The following DSCAM variants were observed in gnomAD, a reference collection of about 807,000 sequenced individuals.
DSCAM encodes DS cell adhesion molecule, also known as cell adhesion molecule DSCAM.
DSCAM carries 47 observed loss-of-function variants against 217.7 expected under a neutral mutation model. That is an observed-to-expected ratio of 0.22 (90% CI 0.17 to 0.28). DSCAM has a LOEUF of 0.28. DSCAM is among the 10% of genes least tolerant of loss of function. DSCAM has a pLI of 1.00. For missense variants in DSCAM, 2,080 were observed against 2,618.3 expected (o/e 0.79, Z 4.49); for synonymous variants, 1,056 against 1,015.3 (o/e 1.04, Z -0.76).
intron 8 of DSCAM, among the ~76,000 whole-genome samples, chr21:40,330,591 G>C (rs779901437): frequency 6.6e-6 from 1 of 151,820 alleles, no homozygotes; most frequent in East Asian, 1.9e-4. Flanking sequence ...CCACCTCCAG[G>C]ACAAACCTGT....
chr21:40,178,882 G>A (rs757479053), intron 15 of DSCAM, 45 bp downstream of exon 15: 1 of 1,610,472 alleles, frequency 6.2e-7, no homozygotes, highest in East Asian at 2.2e-5. Context: ...TCAAGAGTTA[G>A]CTCCCGGGCT....
intron 3 of DSCAM, among the ~76,000 whole-genome samples, chr21:40,606,975 T>G (rs565014551): frequency 2.6e-5 from 4 of 152,328 alleles, no homozygotes; most frequent in Non-Finnish European, 5.9e-5. Context: ...CATGACTTGG[T>G]CCTCCTTGCC....
chr21:40,808,920 T>C (rs1021018610), intron 1 of DSCAM, among the ~76,000 whole-genome samples: 2 of 152,198 alleles, frequency 1.3e-5, no homozygotes, highest in Non-Finnish European at 2.9e-5. Flanking sequence ...TCCTGGACCA[T>C]CAGCTCCAGG....
At chr21:40,393,647 C>A (rs1385901770) in intron 3 of DSCAM, among the ~76,000 whole-genome samples, 1 of 152,060 alleles carries the variant, frequency 6.6e-6, no homozygotes, top group Non-Finnish European at 1.5e-5. Context: ...CAGCTGAACA[C>A]CAGAGCTGAC....
At chr21:40,273,545 C>G (rs995563545) in intron 11 of DSCAM, among the ~76,000 whole-genome samples, 1 of 152,180 alleles carries the variant, frequency 6.6e-6, no homozygotes, top group Non-Finnish European at 1.5e-5. Flanking sequence ...TCTCCTGTCC[C>G]TGGAATACCC....
chr21:40,806,098 G>A, intron 1 of DSCAM, among the ~76,000 whole-genome samples: 1 of 152,134 alleles, frequency 6.6e-6, no homozygotes, highest in East Asian at 1.9e-4. Flanking sequence ...CAGCCCTGCT[G>A]GGCTCTTCTC....
chr21:40,673,347 A>G (rs899687475), intron 3 of DSCAM, among the ~76,000 whole-genome samples: 3 of 152,208 alleles, frequency 2.0e-5, no homozygotes, highest in African/African-American at 7.2e-5. Flanking sequence ...GTATCTACAT[A>G]TTAGACTTTA....
At chr21:40,754,067 G>A (rs186162820) in intron 1 of DSCAM, among the ~76,000 whole-genome samples, 179 of 152,290 alleles carry the variant, frequency 1.2e-3, no homozygotes, top group African/African-American at 4.1e-3. Context: ...AGAAACAGCC[G>A]TGAGGTCTTC....
intron 11 of DSCAM, among the ~76,000 whole-genome samples, chr21:40,265,501 AT>A (rs2073514115): frequency 6.6e-6 from 1 of 152,098 alleles, no homozygotes; most frequent in African/African-American, 2.4e-5. Context: ...AAAACATAAA[AT>A]TCATAGGGAA....
chr21:40,798,397 C>T (rs962871909), intron 1 of DSCAM, among the ~76,000 whole-genome samples: 9 of 152,082 alleles, frequency 5.9e-5, no homozygotes, highest in Middle Eastern at 3.4e-3. Context: ...CAATAAAGCT[C>T]ACCATAAACA....
chr21:40,476,027 T>C (rs1332945776), intron 3 of DSCAM, among the ~76,000 whole-genome samples: 2 of 152,204 alleles, frequency 1.3e-5, no homozygotes, highest in Non-Finnish European at 2.9e-5. Flanking sequence ...GGGTGGGTGC[T>C]TCACTCCCAT....
At chr21:40,467,751 C>A (rs890216231) in intron 3 of DSCAM, among the ~76,000 whole-genome samples, 1 of 151,670 alleles carries the variant, frequency 6.6e-6, no homozygotes, top group African/African-American at 2.4e-5. Context: ...ATTTTATAAG[C>A]AATTTTAAAA....
chr21:40,113,703 T>C (rs1011880504), intron 20 of DSCAM, among the ~76,000 whole-genome samples: 21 of 152,082 alleles, frequency 1.4e-4, no homozygotes, highest in Admixed American at 6.6e-4. Context: ...TGATAAGCAA[T>C]TTCAGCAAAG....
intron 11 of DSCAM, among the ~76,000 whole-genome samples, chr21:40,246,792 CTG>C (rs763656389): frequency 2.0e-4 from 31 of 152,284 alleles, no homozygotes; most frequent in African/African-American, 3.6e-4. Context: ...AATGTGGAGA[CTG>C]AGAGAGTCCC....
At chr21:40,358,880 A>G (rs902704738) in intron 4 of DSCAM, among the ~76,000 whole-genome samples, 1 of 152,116 alleles carries the variant, frequency 6.6e-6, no homozygotes. Context: ...TGAAAATCAT[A>G]TTTCTAATAA....
intron 20 of DSCAM, among the ~76,000 whole-genome samples, chr21:40,108,893 A>T (rs577044889): frequency 6.6e-6 from 1 of 152,308 alleles, no homozygotes; most frequent in East Asian, 1.9e-4. Flanking sequence ...AAAACAAGCA[A>T]TGGGGAAAGG....
intron 11 of DSCAM, among the ~76,000 whole-genome samples, chr21:40,214,903 T>C (rs2091227701): frequency 6.6e-6 from 1 of 152,108 alleles, no homozygotes; most frequent in Non-Finnish European, 1.5e-5. Flanking sequence ...AAAAGACACC[T>C]GTACACATGT....
chr21:40,361,032 G>T (rs922258294), intron 4 of DSCAM, among the ~76,000 whole-genome samples: 4 of 151,696 alleles, frequency 2.6e-5, no homozygotes, highest in Non-Finnish European at 5.9e-5. Flanking sequence ...GCTCTTGTGG[G>T]GATATTTGGT....
chr21:40,754,387 A>T (rs1345309616), intron 1 of DSCAM, among the ~76,000 whole-genome samples: 2 of 152,248 alleles, frequency 1.3e-5, no homozygotes, highest in African/African-American at 4.8e-5. Context: ...AAAGTAGTTT[A>T]TGTGAGGTAG....
Sources: gnomAD v4.1 joint callset for allele counts (sites outside exome capture counted in the v4.1 genomes callset) on GRCh38, gnomAD v4.1.1 for gene constraint, MANE v1.5 for transcripts, NCBI Gene and HGNC (gene_info 2026-07-23, HGNC 2026-07-21) for gene names.